Variants in TSC2 observed in about 807,000 individuals in gnomAD.
The protein encoded by TSC2 is TSC complex subunit 2, also known as tuberin.
Under a neutral mutation model 202.2 loss-of-function variants are expected in TSC2, and 29 were observed. The observed-to-expected ratio is 0.14, with a 90% CI of 0.11 to 0.20. The LOEUF is 0.20. TSC2 is among the 10% of genes least tolerant of loss of function. The pLI, the probability that TSC2 is intolerant of heterozygous loss-of-function variation, is 1.00. For missense variants in TSC2, 2,429 were observed against 2,420.0 expected, an observed-to-expected ratio of 1.00 and a Z score of -0.08; for synonymous variants, 1,349 against 1,044.0, an observed-to-expected ratio of 1.29 and a Z score of -5.63.
At position 2,085,219 on chromosome 16, in the gene TSC2, G is replaced by T; in HGVS notation, c.4570-11G>T. 1 of 1,612,690 alleles carries T rather than the reference G, an allele frequency of 6.2e-7. No individual in the cohort carries two copies. The highest frequency in any genetic ancestry group is 2.2e-5 in the East Asian group (1 of 44,886). ...GCGTCTGGGGCTCAGGCAGGGCTCTGTGTGCCACAGTCACAGTCCTTTGAG... is the reference window on the plus strand; with the variant it reads ...GCGTCTGGGGCTCAGGCAGGGCTCTTTGTGCCACAGTCACAGTCCTTTGAG... On this transcript the variant is annotated splice_polypyrimidine_tract_variant and intron_variant, in intron 35 of 41. Coordinates refer to ENST00000219476, the MANE Select transcript of TSC2 (RefSeq NM_000548.5).
rs568078250 is a variant in TSC2, at chr16:2,089,298, G to C, written c.*688G>C. ...ATAAATTACTGACACGAGACACACA[G>C]TGAGACGGTGCAGGGAGTACGGTAG... On this transcript the variant is annotated 3_prime_UTR_variant, in exon 42 of 42. Transcript: ENST00000219476. The C allele has an allele frequency of 4.2e-6, 1 of 236,962 alleles. No individual in the cohort carries two copies. Among genetic ancestry groups the C allele is most frequent in the Non-Finnish European group, 8.2e-6 (1 of 121,866 alleles). 14.7% of individuals were successfully genotyped at this position (236,962 alleles called of 1,614,324 possible).
chr16:2,079,441 T>A lies in TSC2; in HGVS notation c.3284+13T>A, dbSNP rs774949592. On this transcript the variant is annotated intron_variant, in intron 28 of 41. Transcript: ENST00000219476. This position sits in a 1 kb window ranked among gnomAD's most constrained non-coding sequence, Gnocchi z 4.6. Reference sequence around the variant, plus strand: ...GCCCGGAGTCGAGGTGACTGCACCTTCCTTTCCTCCGCGCCTGCCAGCCTC... The same window carrying A: ...GCCCGGAGTCGAGGTGACTGCACCTACCTTTCCTCCGCGCCTGCCAGCCTC... The A allele has an allele frequency of 2.5e-6, 4 of 1,612,582 alleles. No homozygotes were observed. The South Asian group carries it at 3.3e-5, about 13-fold the overall frequency.
Position 2,089,412 on chromosome 16 carries a change from C to T in TSC2, c.*802C>T, listed in dbSNP as rs2091342706. ...CAGCAGCCTTAGCAGTGGGGGACAT[C>T]TGCCCAGGGGGTGGGGCCGGGCACA... On this transcript the variant is annotated 3_prime_UTR_variant, in exon 42 of 42. Transcript: ENST00000219476. The T allele has an allele frequency of 4.4e-6, 2 of 456,120 alleles. No homozygotes were observed. The highest frequency in any genetic ancestry group is 8.0e-6 in the Non-Finnish European group (2 of 250,912). The allele number at this position is 456,120 out of a possible 1,614,324, so 28.3% of individuals were successfully genotyped here. A position where few individuals can be genotyped will look rare whatever the true frequency, so the allele number is the denominator to read the frequency against.
rs377474730 is a variant in TSC2, at chr16:2,086,333, T to G, written c.4803T>G (p.Gly1601=). The stretch of plus-strand genomic sequence containing the variant: ...ACCTGGGAGGCCTGGACGTGTGTGG[T>G]GAGGACGGCCAGTTCACCTACTGCT... The part of the protein sequence containing the change: ...KVYLGGLDVC[G]EDGQFTYCWH... Residue 1601 remains glycine, a synonymous_variant, in exon 37 of 42, where the codon GGT becomes GGG. Coordinates refer to ENST00000219476, the MANE Select transcript of TSC2 (RefSeq NM_000548.5). The G allele has an allele frequency of 1.2e-5, 19 of 1,612,770 alleles. No individual in the cohort carries two copies. Among genetic ancestry groups the G allele is most frequent in the Non-Finnish European group, 1.4e-5 (16 of 1,179,934 alleles).
At chr16:2,082,410 T>G (rs753356519) in intron 31 of TSC2, 26 bp from the exon 32 acceptor site, 4 of 1,611,786 alleles carry the variant, frequency 2.5e-6, no homozygotes, top group Non-Finnish European at 3.4e-6. Context: ...CCTGCTGACG[T>G]GGCCGCACAC....
chr16:2,049,520 A>G (rs1245129206), intron 2 of TSC2, among the ~76,000 whole-genome samples: 1 of 152,100 alleles, frequency 6.6e-6, no homozygotes. Flanking sequence ...TCATCAACTG[A>G]TGAATAAAAT....
rs2151528228 is a variant in TSC2, at chr16:2,084,444, G to A, written c.4222G>A (p.Gly1408Ser). The part of the protein sequence containing the change: ...LGDPGDKADV[G>S]RLSPEVKARS... ...GGACCCTGGGGACAAGGCCGACGTGGGCCGGCTGAGCCCTGAGGTTAAGGC... is the reference window on the plus strand; with the variant it reads ...GGACCCTGGGGACAAGGCCGACGTGAGCCGGCTGAGCCCTGAGGTTAAGGC... The change falls in exon 34 of 42, where the codon GGC becomes AGC. Residue 1408 changes from glycine (G) to serine (S), a missense_variant. By Grantham distance (56) the Gly-to-Ser change is moderately conservative. Transcript: ENST00000219476. 2 of 1,609,458 alleles carry A rather than the reference G, an allele frequency of 1.2e-6. No homozygotes were observed. The highest frequency in any genetic ancestry group is 1.7e-6 in the Non-Finnish European group (2 of 1,178,690).
intron 16 of TSC2, among the ~76,000 whole-genome samples, chr16:2,070,237 C>G (rs984394052): frequency 6.6e-6 from 1 of 152,232 alleles, no homozygotes. Flanking sequence ...TCTTCCTCAC[C>G]TGTTGATGAC....
At chr16:2,064,561 G>A (rs1320150139) in intron 15 of TSC2, 134 bp downstream of exon 15, 2 of 1,410,434 alleles carry the variant, frequency 1.4e-6, no homozygotes, top group Non-Finnish European at 9.7e-7. Context: ...CCTCCCTGCA[G>A]GGTGGGTGTC....
chr16:2,080,742 C>T (rs1247622483), intron 30 of TSC2: 1 of 275,042 alleles, frequency 3.6e-6, no homozygotes, highest in East Asian at 9.1e-5. Flanking sequence ...CCTTGGCCTC[C>T]CAAAGTGCTG....
intron 32 of TSC2, 70 bp downstream of exon 32, chr16:2,082,574 C>A: frequency 1.3e-6 from 2 of 1,541,394 alleles, no homozygotes; most frequent in East Asian, 2.2e-5. Flanking sequence ...GTGCTCGTCG[C>A]CTCATCCGCC....
At chr16:2,063,672 T>C in intron 14 of TSC2, 1 of 225,008 alleles carries the variant, frequency 4.4e-6, no homozygotes, top group Non-Finnish European at 8.9e-6. Context: ...TCCACTGTCC[T>C]TGAATTGCCC....
At chr16:2,058,430 C>T (rs377236652) in intron 9 of TSC2, among the ~76,000 whole-genome samples, 63 of 152,348 alleles carry the variant, frequency 4.1e-4, no homozygotes, top group African/African-American at 1.5e-3. Context: ...TTGCGTTTAC[C>T]TGGGAGATTA....
intron 18 of TSC2, 32 bp downstream of exon 18, chr16:2,071,648 C>G (rs2151300336): frequency 2.5e-6 from 4 of 1,612,104 alleles, no homozygotes; most frequent in Non-Finnish European, 3.4e-6. Context: ...GCCCATGAGG[C>G]TCAGGGCGTC....
intron 17 of TSC2, chr16:2,071,307 G>A (rs897831576): frequency 3.1e-6 from 2 of 636,390 alleles, no homozygotes; most frequent in African/African-American, 1.8e-5. Context: ...CCGAGGCAAG[G>A]GAGGGAGGAG....
At chr16:2,080,560 T>G in intron 30 of TSC2, 183 bp downstream of exon 30, 2 of 691,032 alleles carry the variant, frequency 2.9e-6, no homozygotes, top group South Asian at 1.9e-5. Flanking sequence ...CTCGGCTCAC[T>G]GCAAGCTCCA....
At chr16:2,048,439 G>A in intron 1 of TSC2, 148 bp from the exon 2 acceptor site, 1 of 1,062,614 alleles carries the variant, frequency 9.4e-7, no homozygotes, top group Non-Finnish European at 1.4e-6. Flanking sequence ...GAGCTGGTCA[G>A]CTGGGCTGTA....
rs1567408059 is a variant in TSC2 at position 2,056,656 on chromosome 16, G to A, written c.661G>A (p.Val221Met). 6.2e-7 allele frequency: 1 copy of A among 1,611,416 alleles called. No individual in the cohort carries two copies. Residue 221 changes from valine (V) to methionine (M), a missense_variant, in exon 8 of 42, where the codon GTG (valine) becomes ATG (methionine). Transcript: ENST00000219476. ...SSVDIEVSLQ[V>M]LDAVVCYNCL... ...CCCTCTCCACCAGGTCTCCCTGCAGGTGCTGGACGCCGTGGTCTGCTACAA... is the reference window on the plus strand; with the variant it reads ...CCCTCTCCACCAGGTCTCCCTGCAGATGCTGGACGCCGTGGTCTGCTACAA...
At chr16:2,070,354 C>G (rs1447062620) in intron 16 of TSC2, 102 bp from the exon 17 acceptor site, 1 of 1,602,552 alleles carries the variant, frequency 6.2e-7, no homozygotes, top group African/African-American at 1.3e-5. Flanking sequence ...GAAGCACGCA[C>G]TCTAGAGCAG....
Sources: allele counts gnomAD v4.1 joint callset (sites outside exome capture counted in the v4.1 genomes callset), GRCh38; gene constraint gnomAD v4.1.1; non-coding constraint Gnocchi (gnomAD v3.1); transcripts MANE v1.5; gene names NCBI Gene and HGNC (gene_info 2026-07-23, HGNC 2026-07-21).